PAX5: variants seen among roughly 807,000 people sequenced by gnomAD.
PAX5 encodes the protein paired box 5.
PAX5 carries 9 observed loss-of-function variants against 43.7 expected under a neutral mutation model. That is an observed-to-expected ratio of 0.21 (90% CI 0.12 to 0.36). The LOEUF (loss-of-function observed/expected upper bound fraction) is 0.36, where lower values mean the gene tolerates loss of function less well. PAX5 is among the 10% of genes least tolerant of loss of function. The pLI, the probability that PAX5 is intolerant of heterozygous loss-of-function variation, is 1.00. For missense variants in PAX5, 383 were observed against 532.7 expected (o/e 0.72, Z 2.77); for synonymous variants, 228 against 214.3 (o/e 1.06, Z -0.56).
At chr9:36,863,907 A>C (rs560343350) in intron 8 of PAX5, among the ~76,000 whole-genome samples, 1 of 152,192 alleles carries the variant, frequency 6.6e-6, no homozygotes, top group Admixed American at 6.5e-5. Flanking sequence ...TCAGGAGCTC[A>C]AGACCAGCCT....
intron 9 of PAX5, among the ~76,000 whole-genome samples, chr9:36,845,113 C>A (rs2131584826): frequency 6.6e-6 from 1 of 152,354 alleles, no homozygotes; most frequent in East Asian, 1.9e-4. Context: ...CAGCCCTGGG[C>A]CACTATGGCC....
chr9:36,902,162 C>T (rs1828459244), intron 7 of PAX5, among the ~76,000 whole-genome samples: 1 of 152,132 alleles, frequency 6.6e-6, no homozygotes, highest in Non-Finnish European at 1.5e-5. Flanking sequence ...CATAAAGGCT[C>T]GGCAAAGCGG....
At chr9:37,017,809 G>C (rs1010140319) in intron 2 of PAX5, among the ~76,000 whole-genome samples, 3 of 152,200 alleles carry the variant, frequency 2.0e-5, no homozygotes, top group Non-Finnish European at 4.4e-5. Flanking sequence ...TCGTCCTTTT[G>C]ACTGACACAT....
intron 8 of PAX5, among the ~76,000 whole-genome samples, chr9:36,863,425 G>T (rs1824428674): frequency 6.6e-6 from 1 of 152,164 alleles, no homozygotes; most frequent in African/African-American, 2.4e-5. Flanking sequence ...CACTGTGCCT[G>T]GCCTCAACTT....
chr9:37,015,561 A>T lies in PAX5; in HGVS notation c.213-367T>A, dbSNP rs1045055792. Among the ~76,000 whole-genome samples, 1 of 151,520 alleles carries T rather than the reference A, an allele frequency of 6.6e-6. No individual in the cohort carries two copies. Among genetic ancestry groups the T allele is most frequent in the African/African-American group, 2.4e-5 (1 of 41,272 alleles). On this transcript the variant is annotated intron_variant, in intron 2 of 9. Transcript: ENST00000358127. This position sits in a 1 kb window ranked among gnomAD's most constrained non-coding sequence, Gnocchi z 4.4. ...GTGCTGCTGGAAAATTTTAAATTGC[A>T]TACACAGCTCTCATAGTATTTCTTT...
At chr9:36,880,933 T>G (rs10758411) in intron 8 of PAX5, among the ~76,000 whole-genome samples, 1 of 152,060 alleles carries the variant, frequency 6.6e-6, no homozygotes, top group African/African-American at 2.4e-5. Flanking sequence ...TAGGAGGAGA[T>G]AAGGCCCTTA....
intron 9 of PAX5, among the ~76,000 whole-genome samples, chr9:36,846,580 CT>C (rs1259530453): frequency 6.6e-6 from 1 of 152,194 alleles, no homozygotes; most frequent in African/African-American, 2.4e-5. Context: ...TTCAATGCCC[CT>C]TTTTTCCTCT....
intron 8 of PAX5, among the ~76,000 whole-genome samples, chr9:36,870,059 A>G (rs1200693972): frequency 2.8e-3 from 54 of 19,150 alleles, no homozygotes; most frequent in African/African-American, 4.4e-3. Context: ...TGGATGGATA[A>G]ATGGATGGAT....
At chr9:37,008,804 G>A (rs747610340) in intron 3 of PAX5, among the ~76,000 whole-genome samples, 10 of 152,198 alleles carry the variant, frequency 6.6e-5, no homozygotes, top group Non-Finnish European at 1.2e-4. Flanking sequence ...CAAACTCGAA[G>A]CATATTGGAC....
chr9:36,949,188 G>T (rs943909300), intron 6 of PAX5, among the ~76,000 whole-genome samples: 3 of 151,996 alleles, frequency 2.0e-5, no homozygotes, highest in Non-Finnish European at 2.9e-5. Context: ...AGCCTCCCAA[G>T]CAGCTGGGAC....
At chr9:36,994,094 G>A (rs989141304) in intron 5 of PAX5, among the ~76,000 whole-genome samples, 5 of 152,138 alleles carry the variant, frequency 3.3e-5, no homozygotes, top group East Asian at 1.9e-4. Flanking sequence ...GCCCCCACCC[G>A]TGGGACAGGC....
intron 7 of PAX5, among the ~76,000 whole-genome samples, chr9:36,910,666 C>G (rs779105412): frequency 3.3e-5 from 5 of 152,174 alleles, no homozygotes; most frequent in Non-Finnish European, 7.3e-5. Flanking sequence ...TCTGGCCTGA[C>G]AGTGGGAAAG....
chr9:36,918,613 A>G (rs974480052), intron 7 of PAX5, among the ~76,000 whole-genome samples: 65 of 152,282 alleles, frequency 4.3e-4, no homozygotes, highest in African/African-American at 1.5e-3. Context: ...GTGAGCCATG[A>G]TTGCACCACT....
At chr9:37,000,379 A>G (rs1014432888) in intron 5 of PAX5, among the ~76,000 whole-genome samples, 1 of 152,126 alleles carries the variant, frequency 6.6e-6, no homozygotes, top group Admixed American at 6.5e-5. Flanking sequence ...CCCTTCTACC[A>G]CAGACCACTG....
intron 8 of PAX5, among the ~76,000 whole-genome samples, chr9:36,867,921 A>T (rs1412869729): frequency 3.9e-5 from 6 of 152,218 alleles, no homozygotes; most frequent in African/African-American, 1.4e-4. Context: ...CGCGGGTCCC[A>T]TTAATGACTA....
At chr9:36,925,689 G>C (rs188165476) in intron 6 of PAX5, among the ~76,000 whole-genome samples, 3 of 152,176 alleles carry the variant, frequency 2.0e-5, no homozygotes, top group Non-Finnish European at 4.4e-5. Flanking sequence ...GAAGGCAAAG[G>C]CATCCAACGT....
At chr9:36,868,343 G>A (rs1030402048) in intron 8 of PAX5, among the ~76,000 whole-genome samples, 1 of 152,176 alleles carries the variant, frequency 6.6e-6, no homozygotes, top group African/African-American at 2.4e-5. Flanking sequence ...TGCAGGCAGG[G>A]CCAGGATCTG....
intron 8 of PAX5, among the ~76,000 whole-genome samples, chr9:36,865,440 G>A (rs60471640): frequency 0.021 from 3,223 of 152,254 alleles, 119 homozygotes; most frequent in African/African-American, 0.072. Context: ...TCATTTCTGT[G>A]CCCATTCTTT....
At chr9:36,917,433 C>G (rs1829811135) in intron 7 of PAX5, among the ~76,000 whole-genome samples, 1 of 152,208 alleles carries the variant, frequency 6.6e-6, no homozygotes, top group Non-Finnish European at 1.5e-5. Context: ...GGAATATGAC[C>G]CAGTGTGGCC....
Sources: allele counts gnomAD v4.1 joint callset (sites outside exome capture counted in the v4.1 genomes callset), GRCh38; gene constraint gnomAD v4.1.1; non-coding constraint Gnocchi (gnomAD v3.1); transcripts MANE v1.5; gene names NCBI Gene and HGNC (gene_info 2026-07-23, HGNC 2026-07-21).